PREX2: variants seen among roughly 807,000 people sequenced by gnomAD.
PREX2 encodes the protein phosphatidylinositol 3,4,5-trisphosphate-dependent Rac exchanger 2 protein.
Under a neutral mutation model 203.2 loss-of-function variants are expected in PREX2, and 107 were observed. The observed-to-expected ratio is 0.53, with a 90% CI of 0.45 to 0.62. The LOEUF (loss-of-function observed/expected upper bound fraction) is 0.62. Ranked by LOEUF, PREX2 falls within the 20% of genes least tolerant of loss-of-function variation. PREX2 has a pLI of 0.00. For missense variants in PREX2, 1,777 were observed against 1,955.9 expected (o/e 0.91, Z 1.72); for synonymous variants, 672 against 663.6 (o/e 1.01, Z -0.19).
intron 19 of PREX2, among the ~76,000 whole-genome samples, chr8:68,088,675 T>TA (rs140021870): frequency 6.6e-6 from 1 of 151,836 alleles, no homozygotes; most frequent in South Asian, 2.1e-4. Context: ...CAGAAAGCTG[T>TA]GTTTCTCTCA....
chr8:67,958,474 T>C (rs77215901), intron 1 of PREX2, among the ~76,000 whole-genome samples: 7,294 of 152,266 alleles, frequency 0.048, 387 homozygotes, highest in African/African-American at 0.13. Context: ...CCAATTACTT[T>C]AATATAAAAA....
At chr8:68,077,752 C>G (rs887926800) in intron 15 of PREX2, among the ~76,000 whole-genome samples, 2 of 152,084 alleles carry the variant, frequency 1.3e-5, no homozygotes, top group Non-Finnish European at 2.9e-5. Flanking sequence ...AGAAGTTTTT[C>G]TGTTTTGTCT....
At chr8:68,103,904 A>G (rs1379439567) in intron 23 of PREX2, among the ~76,000 whole-genome samples, 1 of 151,666 alleles carries the variant, frequency 6.6e-6, no homozygotes, top group Non-Finnish European at 1.5e-5. Context: ...TCCATTTTCA[A>G]TCCTCTGGCG....
chr8:68,090,540 G>T (rs1197865327), intron 19 of PREX2, 39 bp from the exon 20 acceptor site: 1 of 1,567,302 alleles, frequency 6.4e-7, no homozygotes, highest in Admixed American at 1.7e-5. Context: ...TCTTATTCCT[G>T]AAATTTGTTT....
rs764401157 is a variant in PREX2 at position 68,097,013 on chromosome 8, C to G, written c.2369-4C>G. 2 of 1,611,472 alleles carry G rather than the reference C, an allele frequency of 1.2e-6. No homozygotes were observed. Among genetic ancestry groups the G allele is most frequent in the South Asian group, 2.2e-5 (2 of 90,850 alleles). On this transcript the variant is annotated splice_region_variant and splice_polypyrimidine_tract_variant and intron_variant, in intron 21 of 39. Transcript: ENST00000288368. ...TTACTGAGTTACAGTTGTCTTTGTT[C>G]CAGAGGTTATTGACAAATTCAACAC...
chr8:68,083,496 C>T (rs970550200), intron 18 of PREX2, 108 bp downstream of exon 18: 40 of 782,888 alleles, frequency 5.1e-5, no homozygotes, highest in Middle Eastern at 3.6e-4. Context: ...TTGCTTGGAA[C>T]GCTTGAACCT....
rs1312079693 is a variant in PREX2, at chr8:67,952,406, C to T, written c.12C>T (p.Asp4=). The change falls in exon 1 of 40, where the codon GAC becomes GAT. Residue 4 remains aspartate, a synonymous_variant. Coordinates refer to ENST00000288368, the MANE Select transcript of PREX2 (RefSeq NM_024870.4). MSE[D]SRGDSRAESA... The stretch of plus-strand genomic sequence containing the variant: ...CACCGCCGCCGACCATGAGCGAGGA[C>T]AGCCGCGGAGACAGCCGCGCCGAGA... 1 of 1,558,106 alleles carries T rather than the reference C, an allele frequency of 6.4e-7. No homozygotes were observed. The highest frequency in any genetic ancestry group is 8.7e-7 in the Non-Finnish European group (1 of 1,152,992).
rs150966088 is a variant in PREX2 at position 68,162,689 on chromosome 8, C to T, written c.4346+5253C>T. Among the ~76,000 whole-genome samples, 148 of 152,136 alleles carry T rather than the reference C, an allele frequency of 9.7e-4. No individual in the cohort carries two copies. The Middle Eastern group carries it at 0.02, about 21-fold the overall frequency. On this transcript the variant is annotated intron_variant, in intron 35 of 39. Coordinates refer to ENST00000288368, the MANE Select transcript of PREX2 (RefSeq NM_024870.4). Reference sequence around the variant, plus strand: ...GCTGTGAAGAGTATGATTGGAGGATCGGACCCCTCCCAGCATGGCCAGGAG... The same window carrying T: ...GCTGTGAAGAGTATGATTGGAGGATTGGACCCCTCCCAGCATGGCCAGGAG...
intron 32 of PREX2, among the ~76,000 whole-genome samples, chr8:68,137,720 A>G (rs1324460156): frequency 3.9e-5 from 6 of 152,224 alleles, no homozygotes; most frequent in Non-Finnish European, 5.9e-5. Flanking sequence ...TACCAGAAAG[A>G]TGACATCACT....
At chr8:67,995,560 T>C (rs4737880) in intron 1 of PREX2, among the ~76,000 whole-genome samples, 74,797 of 151,978 alleles carry the variant, frequency 0.49, 18,777 homozygotes, top group South Asian at 0.61. Flanking sequence ...AACTTTCATA[T>C]TGTCAACGTG....
chr8:68,074,802 T>TA (rs1164532091), intron 14 of PREX2, among the ~76,000 whole-genome samples: 1 of 152,094 alleles, frequency 6.6e-6, no homozygotes, highest in Admixed American at 6.6e-5. Context: ...GAACACAGAG[T>TA]AAAAAAACTG....
At chr8:67,990,691 T>G (rs952889252) in intron 1 of PREX2, among the ~76,000 whole-genome samples, 1 of 151,884 alleles carries the variant, frequency 6.6e-6, no homozygotes, top group Non-Finnish European at 1.5e-5. Context: ...TATAGTATTT[T>G]TAGTAGAGAT....
chr8:68,112,972 ATCTT>A (rs1270050716), intron 25 of PREX2, among the ~76,000 whole-genome samples: 1 of 152,166 alleles, frequency 6.6e-6, no homozygotes, highest in African/African-American at 2.4e-5. Context: ...GTATACAAAA[ATCTT>A]TCTTATCAAT....
intron 17 of PREX2, among the ~76,000 whole-genome samples, chr8:68,082,024 A>C (rs1427057350): frequency 7.8e-6 from 1 of 128,754 alleles, no homozygotes; most frequent in Non-Finnish European, 1.7e-5. Flanking sequence ...AACAAAAAAA[A>C]CTTCTGATCA....
intron 36 of PREX2, 121 bp downstream of exon 36, chr8:68,191,909 T>C (rs1403385206): frequency 1.9e-5 from 13 of 672,136 alleles, no homozygotes; most frequent in Admixed American, 1.6e-4. Flanking sequence ...AGGGAGCTAG[T>C]CTGTCATGAG....
At chr8:68,220,497 C>G (rs1812932859) in intron 38 of PREX2, 1 of 152,068 alleles carries the variant, frequency 6.6e-6, no homozygotes, top group Non-Finnish European at 1.5e-5. Context: ...GACCCCTTAC[C>G]TTCAGTATCA....
chr8:68,070,193 G>A (rs1809156791), intron 13 of PREX2, among the ~76,000 whole-genome samples: 1 of 151,382 alleles, frequency 6.6e-6, no homozygotes. Flanking sequence ...ATTGGGAGAG[G>A]ATTTGGAAAT....
At chr8:68,004,440 A>G (rs887429635) in intron 1 of PREX2, among the ~76,000 whole-genome samples, 1 of 152,182 alleles carries the variant, frequency 6.6e-6, no homozygotes, top group Non-Finnish European at 1.5e-5. Context: ...TAGTTATTTC[A>G]AGTTCATTCT....
At chr8:68,115,226 C>G (rs566536266) in intron 25 of PREX2, among the ~76,000 whole-genome samples, 2 of 152,074 alleles carry the variant, frequency 1.3e-5, no homozygotes, top group African/African-American at 4.8e-5. Context: ...CGGGGTTTCT[C>G]CAAGTTGGTC....
Sources: allele counts gnomAD v4.1 joint callset (sites outside exome capture counted in the v4.1 genomes callset), GRCh38; gene constraint gnomAD v4.1.1; transcripts MANE v1.5; gene names NCBI Gene and HGNC (gene_info 2026-07-23, HGNC 2026-07-21).